USP32: variants seen among roughly 807,000 people sequenced by gnomAD.
The protein encoded by USP32 is ubiquitin specific peptidase 32.
USP32 carries 59 observed loss-of-function variants against 204.8 expected under a neutral mutation model. That is an observed-to-expected ratio of 0.29 (90% confidence interval 0.23 to 0.36). USP32 has a LOEUF of 0.36. Among genes scored for constraint, USP32 ranks in the 10% least tolerant of loss-of-function variants. The pLI, the probability that USP32 is intolerant of heterozygous loss-of-function variation, is 1.00. For missense variants in USP32, 1,160 were observed against 1,946.4 expected (o/e 0.60, Z 7.60); for synonymous variants, 517 against 678.4 (o/e 0.76, Z 3.70).
chr17:60,399,002 A>C (rs1373363273), intron 1 of USP32, among the ~76,000 whole-genome samples: 1 of 152,092 alleles, frequency 6.6e-6, no homozygotes, highest in Non-Finnish European at 1.5e-5. Context: ...AATAAAAAGA[A>C]AAATCTCTAG....
chr17:60,323,243 TATTC>T (rs1240702127), intron 2 of USP32, among the ~76,000 whole-genome samples: 1 of 151,622 alleles, frequency 6.6e-6, no homozygotes, highest in Admixed American at 6.6e-5. Flanking sequence ...ATAACCCAAA[TATTC>T]ATTAACTGAT....
intron 25 of USP32, 50 bp from the exon 26 acceptor site, chr17:60,205,708 C>G: frequency 1.3e-6 from 2 of 1,586,186 alleles, no homozygotes. Flanking sequence ...GTATTTTCAT[C>G]TTTGCTCTTT....
intron 12 of USP32, among the ~76,000 whole-genome samples, chr17:60,232,506 G>A (rs1259707908): frequency 3.7e-5 from 5 of 136,008 alleles, no homozygotes; most frequent in Admixed American, 7.5e-5. Context: ...TAAACAAGGC[G>A]TTTGTCAAAG....
chr17:60,408,342 A>G (rs1397579117), intron 1 of USP32, among the ~76,000 whole-genome samples: 1 of 152,136 alleles, frequency 6.6e-6, no homozygotes, highest in African/African-American at 2.4e-5. Context: ...GGTGAAAAAT[A>G]CAGTATCTGA....
At chr17:60,398,351 C>A (rs924037688) in intron 1 of USP32, among the ~76,000 whole-genome samples, 2 of 151,944 alleles carry the variant, frequency 1.3e-5, no homozygotes, top group Admixed American at 1.3e-4. Context: ...CCCATGACTG[C>A]GTCACTGCAC....
chr17:60,273,219 TGCCTCG>T (rs1350906182), intron 5 of USP32, among the ~76,000 whole-genome samples: 2 of 152,114 alleles, frequency 1.3e-5, no homozygotes, highest in Non-Finnish European at 2.9e-5. Flanking sequence ...GTGATCTGTC[TGCCTCG>T]GCCTCCGAAA....
intron 2 of USP32, among the ~76,000 whole-genome samples, chr17:60,341,687 T>C (rs1291369141): frequency 1.1e-4 from 16 of 152,238 alleles, no homozygotes; most frequent in Admixed American, 1.0e-3. Flanking sequence ...TTCCACTTGA[T>C]TGAATCCGCT....
intron 12 of USP32, among the ~76,000 whole-genome samples, chr17:60,228,970 T>C (rs1257972533): frequency 6.6e-6 from 1 of 152,022 alleles, no homozygotes; most frequent in Non-Finnish European, 1.5e-5. Context: ...CCTGGTTAAA[T>C]TAGGTTTCAA....
intron 2 of USP32, among the ~76,000 whole-genome samples, chr17:60,311,723 G>A (rs2087859329): frequency 6.6e-6 from 1 of 152,174 alleles, no homozygotes; most frequent in African/African-American, 2.4e-5. Context: ...TACTCAGGAG[G>A]CTGAGGCAGA....
chr17:60,275,082 T>C (rs8064920), intron 5 of USP32, among the ~76,000 whole-genome samples: 3,276 of 152,342 alleles, frequency 0.022, 136 homozygotes, highest in African/African-American at 0.075. Context: ...GTTTCTGGTA[T>C]GTTTTGTTCC....
chr17:60,376,949 T>A (rs1231563859), intron 1 of USP32, among the ~76,000 whole-genome samples: 2 of 152,188 alleles, frequency 1.3e-5, no homozygotes, highest in Non-Finnish European at 2.9e-5. Context: ...GAAGAGGTAT[T>A]AGATGAATGG....
At chr17:60,333,473 T>TC (rs2088437687) in intron 2 of USP32, among the ~76,000 whole-genome samples, 1 of 151,934 alleles carries the variant, frequency 6.6e-6, no homozygotes, top group Non-Finnish European at 1.5e-5. Context: ...GGTGGCATGC[T>TC]CCTGTAGTCC....
At chr17:60,225,705 G>A (rs546845116) in intron 13 of USP32, among the ~76,000 whole-genome samples, 6 of 152,212 alleles carry the variant, frequency 3.9e-5, no homozygotes, top group African/African-American at 1.4e-4. Context: ...TGTAATCCCA[G>A]CACTTTGGGA....
chr17:60,292,949 A>T (rs974347568), intron 4 of USP32, among the ~76,000 whole-genome samples: 1 of 152,082 alleles, frequency 6.6e-6, no homozygotes, highest in Non-Finnish European at 1.5e-5. Context: ...TGGCCTTTTT[A>T]TTGTTCCTTG....
chr17:60,409,779 G>A (rs1200917826), intron 1 of USP32, among the ~76,000 whole-genome samples: 2 of 152,166 alleles, frequency 1.3e-5, no homozygotes, highest in Non-Finnish European at 2.9e-5. Context: ...ATTGGAAGAG[G>A]AAGAATTGTC....
At chr17:60,421,603 G>T (rs967278389) in intron 1 of USP32, 8 of 982,838 alleles carry the variant, frequency 8.1e-6, no homozygotes, top group Non-Finnish European at 9.7e-6. Context: ...CGGGGGCAAC[G>T]GTCTCTCGTC....
chr17:60,192,720 C>T, intron 28 of USP32, 124 bp downstream of exon 28: 1 of 1,264,768 alleles, frequency 7.9e-7, no homozygotes, highest in Non-Finnish European at 1.1e-6. Flanking sequence ...CCACCGTGCC[C>T]AGCCACAATT....
chr17:60,382,530 T>TA (rs149211434), intron 1 of USP32, among the ~76,000 whole-genome samples: 1,836 of 152,174 alleles, frequency 0.012, 29 homozygotes, highest in African/African-American at 0.041. Flanking sequence ...AGGGAAGCAT[T>TA]AGCCATGGAA....
At chr17:60,368,545 G>T (rs186248014) in intron 1 of USP32, among the ~76,000 whole-genome samples, 65 of 151,548 alleles carry the variant, frequency 4.3e-4, no homozygotes, top group Admixed American at 2.4e-3. Flanking sequence ...GAAACGAGGG[G>T]AAAATATATT....
Sources: allele counts gnomAD v4.1 joint callset (sites outside exome capture counted in the v4.1 genomes callset), GRCh38; gene constraint gnomAD v4.1.1; transcripts MANE v1.5; gene names NCBI Gene and HGNC (gene_info 2026-07-23, HGNC 2026-07-21).